MROH2B: variants seen among roughly 807,000 people sequenced by gnomAD.
MROH2B encodes the protein maestro heat like repeat family member 2B, also known as maestro heat-like repeat-containing protein family member 2B.
Under a neutral mutation model 208.6 loss-of-function variants are expected in MROH2B, and 177 were observed. The ratio of observed to expected loss-of-function variants is 0.85; its 90% CI spans 0.75 to 0.96. MROH2B has a LOEUF of 0.96. MROH2B is among the 40% of genes least tolerant of loss of function. The pLI, the probability that MROH2B is intolerant of heterozygous loss-of-function variation, is 0.00. For missense variants in MROH2B, 2,002 were observed against 1,878.7 expected, an observed-to-expected ratio of 1.07 and a Z score of -1.21; for synonymous variants, 728 against 659.0, an observed-to-expected ratio of 1.10 and a Z score of -1.60.
In MROH2B at chr5:41,071,089, T is replaced by A; in HGVS notation, c.-237A>T. ...TGACATTGTCTTGCGTCTGAACTCC[T>A]GCTAACCAACAAAATGGCTGCATCT... On this transcript the variant is annotated 5_prime_UTR_variant, in exon 1 of 42. Coordinates refer to ENST00000399564, the MANE Select transcript of MROH2B (RefSeq NM_173489.5). 1 of 463,822 alleles carries A rather than the reference T, an allele frequency of 2.2e-6. No homozygotes were observed. The highest frequency in any genetic ancestry group is 2.0e-5 in the African/African-American group (1 of 51,234). The allele number at this position is 463,822 out of a possible 1,614,324, so 28.7% of individuals were successfully genotyped here. A position where few individuals can be genotyped will look rare whatever the true frequency, so the allele number is the denominator to read the frequency against.
chr5:41,022,675 T>C (rs4957146), intron 24 of MROH2B, among the ~76,000 whole-genome samples: 116,637 of 152,130 alleles, frequency 0.77, 45,057 homozygotes, highest in Non-Finnish European at 0.82. Flanking sequence ...CTTAAATGTC[T>C]CTGTCTGACA....
intron 21 of MROH2B, among the ~76,000 whole-genome samples, chr5:41,035,211 ACAGCATG>A (rs1225319419): frequency 6.6e-6 from 1 of 152,174 alleles, no homozygotes; most frequent in Non-Finnish European, 1.5e-5. Flanking sequence ...AGTAATCAAA[ACAGCATG>A]GTGCTGGCAC....
Position 41,057,254 on chromosome 5 carries a change from C to T in MROH2B, c.849+14G>A, listed in dbSNP as rs377206125. The T allele has an allele frequency of 1.9e-6, 3 of 1,606,642 alleles. No homozygotes were observed. Among genetic ancestry groups the T allele is most frequent in the African/African-American group, 1.3e-5 (1 of 74,788 alleles). On this transcript the variant is annotated intron_variant, in intron 8 of 41. Transcript: ENST00000399564. ...TGAAATTAAAAATTGGAGTTGACAGCATGGTCTTCTTACCTGCTGGAGTAA... is the reference window on the plus strand; with the variant it reads ...TGAAATTAAAAATTGGAGTTGACAGTATGGTCTTCTTACCTGCTGGAGTAA...
chr5:41,048,158 C>A (rs1210245896), intron 16 of MROH2B, 166 bp downstream of exon 16: 3 of 735,096 alleles, frequency 4.1e-6, no homozygotes, highest in African/African-American at 1.8e-5. Flanking sequence ...TGGCAAGAAA[C>A]AGAACATAAG....
rs1219396025 is a variant in MROH2B at position 41,017,873 on chromosome 5, G to A, written c.2861C>T (p.Thr954Ile). ...PTIRQAAASS[T>I]IGLFYIKGIH... The stretch of plus-strand genomic sequence containing the variant: ...ACCTTTTATATAGAACAGACCAATA[G>A]TTGAGCTAGCAGCCGCCTGACGGAT... Residue 954 changes from threonine (T) to isoleucine (I), a missense_variant, in exon 28 of 42, where the codon ACT becomes ATT. By Grantham distance (89) the Thr-to-Ile change is moderately conservative. Coordinates refer to ENST00000399564, the MANE Select transcript of MROH2B (RefSeq NM_173489.5). 6.3e-7 allele frequency: 1 copy of A among 1,595,574 alleles called. No homozygotes were observed.
At chr5:41,038,427 T>C (rs886926568) in intron 21 of MROH2B, among the ~76,000 whole-genome samples, 1 of 152,164 alleles carries the variant, frequency 6.6e-6, no homozygotes, top group African/African-American at 2.4e-5. Context: ...CCTGATGCTA[T>C]TTTAAAATAA....
At chr5:41,048,548 A>G in intron 15 of MROH2B, 83 bp from the exon 16 acceptor site, 1 of 1,394,544 alleles carries the variant, frequency 7.2e-7, no homozygotes, top group Non-Finnish European at 9.5e-7. Flanking sequence ...CCATTGTTCC[A>G]ATTCCTTTGA....
intron 5 of MROH2B, among the ~76,000 whole-genome samples, chr5:41,063,730 G>C (rs1023909958): frequency 6.6e-6 from 1 of 152,162 alleles, no homozygotes; most frequent in Non-Finnish European, 1.5e-5. Context: ...AGTTGAAACT[G>C]GGACTGAGAG....
At position 41,007,365 on chromosome 5, in the gene MROH2B, G is replaced by C. The variant is rs1479063104; in HGVS notation, c.3698C>G (p.Thr1233Ser). Reference sequence around the variant, plus strand: ...GTGGGTACTAGGACTGCTGAGTAGAGTCCATAAGTTGTCCCCCTCATCAGA... The same window carrying C: ...GTGGGTACTAGGACTGCTGAGTAGACTCCATAAGTTGTCCCCCTCATCAGA... ...KESDEGDNLW[T>S]LLSSPSTHHI... is the part of the protein sequence containing the mutation. Residue 1233 changes from threonine (T) to serine (S), a missense_variant, in exon 34 of 42, where the codon ACT becomes AGT. By Grantham distance (58) the Thr-to-Ser change is moderately conservative. Coordinates refer to ENST00000399564, the MANE Select transcript of MROH2B (RefSeq NM_173489.5). 1.9e-6 allele frequency: 3 copies of C among 1,547,132 alleles called. No individual in the cohort carries two copies. The highest frequency in any genetic ancestry group is 2.6e-6 in the Non-Finnish European group (3 of 1,144,352).
At chr5:41,016,393 G>A (rs189448721) in intron 28 of MROH2B, among the ~76,000 whole-genome samples, 175 of 150,856 alleles carry the variant, frequency 1.2e-3, no homozygotes, top group African/African-American at 3.5e-3. Context: ...TCATATTTTA[G>A]GAAAATGAAG....
At chr5:41,038,332 G>A (rs999699757) in intron 21 of MROH2B, among the ~76,000 whole-genome samples, 4 of 152,078 alleles carry the variant, frequency 2.6e-5, no homozygotes, top group Non-Finnish European at 4.4e-5. Context: ...AGATCACTAC[G>A]GATATGATTG....
intron 1 of MROH2B, 59 bp from the exon 2 acceptor site, chr5:41,069,811 ATTTTG>A: frequency 1.6e-6 from 2 of 1,267,094 alleles, no homozygotes; most frequent in Non-Finnish European, 2.3e-6. Flanking sequence ...CCTGTTAATT[ATTTTG>A]TAATCAACAC....
In MROH2B at chr5:41,000,538, T is replaced by C. The variant is rs1741362961; in HGVS notation, c.4350+140A>G. On this transcript the variant is annotated intron_variant, in intron 38 of 41. Transcript: ENST00000399564. ...TTGGGAAGAGATAGTAAGAAGAACC[T>C]AGAATTGGAGAAGAGGTTTTCAGGT... The C allele has an allele frequency of 2.2e-6, 3 of 1,336,366 alleles. No homozygotes were observed. In the East Asian group the frequency reaches 7.5e-5, roughly 34 times the overall value. The allele number at this position is 1,336,366 out of a possible 1,614,324, so 82.8% of individuals were successfully genotyped here.
chr5:41,053,708 C>T (rs1423271597), intron 11 of MROH2B, among the ~76,000 whole-genome samples: 1 of 152,136 alleles, frequency 6.6e-6, no homozygotes, highest in African/African-American at 2.4e-5. Flanking sequence ...GCTCTTTATG[C>T]TATCCTAAAC....
chr5:41,009,326 A>T lies in MROH2B; in HGVS notation c.3374T>A (p.Leu1125Gln). 1.2e-6 allele frequency: 2 copies of T among 1,613,900 alleles called. No individual in the cohort carries two copies. Among genetic ancestry groups the T allele is most frequent in the Non-Finnish European group, 1.7e-6 (2 of 1,179,810 alleles). Residue 1125 changes from leucine (L) to glutamine (Q), a missense_variant, in exon 32 of 42, where the codon CTG (leucine) becomes CAG (glutamine). Coordinates refer to ENST00000399564, the MANE Select transcript of MROH2B (RefSeq NM_173489.5). ...GATGTCATCTTCTAACTCAGTCTCC[A>T]GTTTGTCTATTAAGGCTTGCAAGAG... ...GKLLQALIDKLETELEDDIAR... is the reference protein window; with the variant it reads ...GKLLQALIDKQETELEDDIAR...
intron 3 of MROH2B, among the ~76,000 whole-genome samples, chr5:41,066,024 T>A (rs2150183509): frequency 6.6e-6 from 1 of 152,258 alleles, no homozygotes; most frequent in South Asian, 2.1e-4. Flanking sequence ...TCTAGTAAAC[T>A]TCGAGGTCAG....
intron 30 of MROH2B, among the ~76,000 whole-genome samples, chr5:41,010,874 G>C (rs551164483): frequency 3.3e-4 from 50 of 152,292 alleles, no homozygotes; most frequent in African/African-American, 9.9e-4. Flanking sequence ...GCGTATGTGA[G>C]GGGAGCGGGT....
chr5:41,064,622 G>A, intron 4 of MROH2B, 52 bp from the exon 5 acceptor site: 1 of 1,445,742 alleles, frequency 6.9e-7, no homozygotes, highest in Non-Finnish European at 9.6e-7. Context: ...CTCAAATTTG[G>A]GGTTCTGTGA....
rs1219952896 is a variant in MROH2B, at chr5:41,002,136, A to C, written c.4195-1303T>G. ...TAGAAAGAGGAAGCTAACCAAAAAC[A>C]AGGTACCAAAAAGGTAGAGAGACAT... On this transcript the variant is annotated intron_variant, in intron 37 of 41. Transcript: ENST00000399564. 4.6e-5 allele frequency among the ~76,000 whole-genome samples: 7 copies of C among 152,352 alleles called. No individual in the cohort carries two copies. The East Asian group carries it at 1.3e-3, about 29-fold the overall frequency.
Sources: gnomAD v4.1 joint callset for allele counts (sites outside exome capture counted in the v4.1 genomes callset) on GRCh38, gnomAD v4.1.1 for gene constraint, MANE v1.5 for transcripts, NCBI Gene and HGNC (gene_info 2026-07-23, HGNC 2026-07-21) for gene names.